The following AGBL4 variants were observed in gnomAD, a reference collection of about 807,000 sequenced individuals.
AGBL4 encodes the protein cytosolic carboxypeptidase 6.
Under a neutral mutation model 66.4 loss-of-function variants are expected in AGBL4, and 58 were observed. That is an observed-to-expected ratio of 0.87 (90% CI 0.71 to 1.09). AGBL4 has a LOEUF of 1.09. Among genes scored for constraint, AGBL4 ranks in the 50% least tolerant of loss-of-function variants. The pLI, the probability that AGBL4 is intolerant of heterozygous loss-of-function variation, is 0.00. For synonymous variants in AGBL4, 234 were observed against 222.9 expected, an observed-to-expected ratio of 1.05 and a Z score of -0.44; for missense variants, 579 against 631.0, an observed-to-expected ratio of 0.92 and a Z score of 0.88.
At position 49,245,873 on chromosome 1, in the gene AGBL4, G is replaced by C; in HGVS notation, c.283-9C>G. ...ATGTTGAAAATGACCCTCTGAAAAAGAAAGAGGGAGAAGTTCATCTTTATG... is the reference window on the plus strand; with the variant it reads ...ATGTTGAAAATGACCCTCTGAAAAACAAAGAGGGAGAAGTTCATCTTTATG... On this transcript the variant is annotated splice_polypyrimidine_tract_variant and intron_variant, in intron 3 of 13. Coordinates refer to ENST00000371839, the MANE Select transcript of AGBL4 (RefSeq NM_032785.4). 1 of 1,524,720 alleles carries C rather than the reference G, an allele frequency of 6.6e-7. No individual in the cohort carries two copies. Among genetic ancestry groups the C allele is most frequent in the Non-Finnish European group, 8.9e-7 (1 of 1,123,494 alleles). 94.4% of individuals were successfully genotyped at this position (1,524,720 alleles called of 1,614,324 possible). A position where few individuals can be genotyped will look rare whatever the true frequency, so the allele number is the denominator to read the frequency against.
intron 1 of AGBL4, among the ~76,000 whole-genome samples, chr1:49,923,596 G>A (rs769376933): frequency 4.0e-4 from 61 of 151,786 alleles, no homozygotes; most frequent in Non-Finnish European, 8.5e-4. Flanking sequence ...GAATCTATAA[G>A]GAACTTAAAC....
chr1:49,955,657 A>C (rs181098962), intron 1 of AGBL4, among the ~76,000 whole-genome samples: 1 of 152,016 alleles, frequency 6.6e-6, no homozygotes, highest in Non-Finnish European at 1.5e-5. Flanking sequence ...TCCATTTCTT[A>C]ATGAAGTCCT....
intron 4 of AGBL4, among the ~76,000 whole-genome samples, chr1:49,207,586 C>CTTTCTTTCTTTCTTTCTT (rs1648324485): frequency 5.7e-5 from 6 of 105,716 alleles, no homozygotes; most frequent in Non-Finnish European, 7.9e-5. Flanking sequence ...TTCTTTCTTT[C>CTTTCTTTCTTTCTTTCTT]TTTCTTTCTT....
intron 3 of AGBL4, among the ~76,000 whole-genome samples, chr1:49,378,349 TAATC>T (rs1278720004): frequency 6.6e-6 from 1 of 152,106 alleles, no homozygotes; most frequent in Non-Finnish European, 1.5e-5. Flanking sequence ...TCCCACCTCT[TAATC>T]TATCTCATCT....
chr1:49,655,030 T>A (rs1227221612), intron 3 of AGBL4, among the ~76,000 whole-genome samples: 1 of 152,218 alleles, frequency 6.6e-6, no homozygotes, highest in African/African-American at 2.4e-5. Context: ...ATGGTCTTTA[T>A]AATTTGGCAT....
intron 3 of AGBL4, among the ~76,000 whole-genome samples, chr1:49,388,560 C>G (rs1644784069): frequency 6.6e-6 from 1 of 152,114 alleles, no homozygotes; most frequent in East Asian, 1.9e-4. Context: ...TAGTAAATGT[C>G]AGATCCAGCA....
intron 1 of AGBL4, among the ~76,000 whole-genome samples, chr1:50,019,246 C>T (rs769483272): frequency 5.6e-5 from 8 of 142,750 alleles, no homozygotes; most frequent in Non-Finnish European, 9.1e-5. Context: ...TCTCCTATGC[C>T]TTTAGGAAAA....
chr1:48,876,522 C>A (rs527334057), intron 5 of AGBL4, among the ~76,000 whole-genome samples: 1 of 152,244 alleles, frequency 6.6e-6, no homozygotes, highest in Admixed American at 6.5e-5. Flanking sequence ...CAAGAAGAGA[C>A]TGGTATTTCA....
At chr1:48,952,244 G>A (rs1340531943) in intron 5 of AGBL4, among the ~76,000 whole-genome samples, 1 of 152,134 alleles carries the variant, frequency 6.6e-6, no homozygotes, top group Non-Finnish European at 1.5e-5. Flanking sequence ...TATTAATTGA[G>A]CTTTTACCAA....
At chr1:49,298,687 G>C (rs1290677279) in intron 3 of AGBL4, among the ~76,000 whole-genome samples, 1 of 151,932 alleles carries the variant, frequency 6.6e-6, no homozygotes, top group Non-Finnish European at 1.5e-5. Flanking sequence ...AAAAGGAGAG[G>C]GCAAAACTTG....
intron 1 of AGBL4, among the ~76,000 whole-genome samples, chr1:49,868,115 AAAT>A (rs1646750712): frequency 6.6e-6 from 1 of 152,024 alleles, no homozygotes; most frequent in African/African-American, 2.4e-5. Context: ...CTGCTCAAGG[AAAT>A]AAGAGGGGAT....
chr1:50,019,917 C>A (rs1268166102), intron 1 of AGBL4, among the ~76,000 whole-genome samples: 1 of 151,854 alleles, frequency 6.6e-6, no homozygotes, highest in African/African-American at 2.4e-5. Flanking sequence ...ACATTTGTGT[C>A]CCCATTTTAA....
intron 3 of AGBL4, among the ~76,000 whole-genome samples, chr1:49,302,025 T>C (rs1027288701): frequency 1.3e-5 from 2 of 152,124 alleles, no homozygotes; most frequent in South Asian, 2.1e-4. Flanking sequence ...GTCTTAGTGA[T>C]TGGTTTTTTC....
At chr1:49,140,847 T>C (rs1166472439) in intron 4 of AGBL4, among the ~76,000 whole-genome samples, 1 of 152,236 alleles carries the variant, frequency 6.6e-6, no homozygotes, top group Non-Finnish European at 1.5e-5. Flanking sequence ...TTTGGAGCCA[T>C]GTGACTGGCA....
intron 3 of AGBL4, among the ~76,000 whole-genome samples, chr1:49,250,440 ATTT>A (rs1242148895): frequency 3.3e-5 from 4 of 122,704 alleles, no homozygotes; most frequent in African/African-American, 3.1e-5. Context: ...ACAGGAACTA[ATTT>A]TTTTTTTTTT....
intron 3 of AGBL4, among the ~76,000 whole-genome samples, chr1:49,367,003 T>C (rs1644252936): frequency 1.3e-5 from 2 of 152,190 alleles, no homozygotes; most frequent in Non-Finnish European, 2.9e-5. Context: ...ATTTATACCT[T>C]TCTGAATGCT....
chr1:49,029,997 A>G (rs72682962), intron 5 of AGBL4, among the ~76,000 whole-genome samples: 3,550 of 152,304 alleles, frequency 0.023, 68 homozygotes, highest in Non-Finnish European at 0.038. Flanking sequence ...ACCATCTGCT[A>G]AAACTAACTT....
intron 4 of AGBL4, among the ~76,000 whole-genome samples, chr1:49,170,296 T>G (rs1196093765): frequency 1.4e-5 from 2 of 144,968 alleles, no homozygotes; most frequent in East Asian, 3.9e-4. Flanking sequence ...AAATTTATAT[T>G]CATATAAATA....
intron 1 of AGBL4, among the ~76,000 whole-genome samples, chr1:49,961,265 T>C (rs1049665251): frequency 2.6e-5 from 4 of 152,058 alleles, no homozygotes; most frequent in Admixed American, 1.3e-4. Flanking sequence ...TCCCAGCACT[T>C]TGGGAGGCTG....
Sources: allele counts gnomAD v4.1 joint callset (sites outside exome capture counted in the v4.1 genomes callset), GRCh38; gene constraint gnomAD v4.1.1; transcripts MANE v1.5; gene names NCBI Gene and HGNC (gene_info 2026-07-23, HGNC 2026-07-21).